LIPC: variants seen among roughly 807,000 people sequenced by gnomAD.
LIPC encodes lipase C, hepatic type, also known as hepatic triacylglycerol lipase.
In LIPC, 44 loss-of-function variants were observed where a neutral mutation model predicts 50.7. That is an observed-to-expected ratio of 0.87 (90% CI 0.68 to 1.11). The LOEUF (loss-of-function observed/expected upper bound fraction) is 1.11, where lower values mean the gene tolerates loss of function less well. LIPC is among the 50% of genes most tolerant of loss of function. The pLI, the probability that LIPC is intolerant of heterozygous loss-of-function variation, is 0.00. For missense variants in LIPC, 697 were observed against 648.2 expected (o/e 1.08, Z -0.82); for synonymous variants, 271 against 256.4 (o/e 1.06, Z -0.54).
chr15:58,499,016 G>T (rs116096984), intron 1 of LIPC, among the ~76,000 whole-genome samples: 1 of 152,146 alleles, frequency 6.6e-6, no homozygotes, highest in Non-Finnish European at 1.5e-5. Flanking sequence ...GCCTTGCTTC[G>T]CTGAGCATGG....
chr15:58,521,608 G>C (rs910376009), intron 1 of LIPC: 1 of 152,322 alleles, frequency 6.6e-6, no homozygotes, highest in Non-Finnish European at 1.5e-5. Flanking sequence ...GACTGGAAGC[G>C]GATCCTCCCA....
At chr15:58,462,965 C>T (rs908892524) in intron 1 of LIPC, among the ~76,000 whole-genome samples, 5 of 152,198 alleles carry the variant, frequency 3.3e-5, no homozygotes, top group African/African-American at 1.2e-4. Context: ...TGCTAAGTGG[C>T]CCCCAGAACA....
rs563038939 is a variant in LIPC, at chr15:58,520,735, G to T, written c.89-17598G>T. Among the ~76,000 whole-genome samples, 8 of 152,282 alleles carry T rather than the reference G, an allele frequency of 5.3e-5. No individual in the cohort carries two copies. The East Asian group carries it at 1.2e-3, about 22-fold the overall frequency. ...TAAATTCACAGTAGCTTCTTCTCTC[G>T]GGCCAGCAGGAAGCCTGATTAATGC... On this transcript the variant is annotated intron_variant, in intron 1 of 8. Transcript: ENST00000299022.
At chr15:58,438,009 T>G (rs910949206) in intron 1 of LIPC, among the ~76,000 whole-genome samples, 1 of 152,154 alleles carries the variant, frequency 6.6e-6, no homozygotes, top group Admixed American at 6.5e-5. Context: ...GGAACCCATA[T>G]TCTTTCATTC....
chr15:58,551,237 T>C (rs1264734678), intron 6 of LIPC, among the ~76,000 whole-genome samples: 1 of 152,080 alleles, frequency 6.6e-6, no homozygotes, highest in Non-Finnish European at 1.5e-5. Flanking sequence ...TTTCACTTGC[T>C]AGTGGAAAGT....
intron 8 of LIPC, chr15:58,565,359 A>G (rs1355979152): frequency 6.6e-7 from 1 of 1,523,812 alleles, no homozygotes; most frequent in African/African-American, 1.4e-5. Context: ...TGACAATCCC[A>G]TGTGGCTTGA....
At chr15:58,503,990 C>T (rs1274101969) in intron 1 of LIPC, among the ~76,000 whole-genome samples, 1 of 152,196 alleles carries the variant, frequency 6.6e-6, no homozygotes, top group Non-Finnish European at 1.5e-5. Context: ...ATGACACTAG[C>T]AAGTCCATGA....
At chr15:58,508,941 A>C (rs1423759346) in intron 1 of LIPC, among the ~76,000 whole-genome samples, 7 of 151,968 alleles carry the variant, frequency 4.6e-5, no homozygotes, top group African/African-American at 1.7e-4. Flanking sequence ...TACTACTTGT[A>C]GGCAGAGCTC....
Position 58,508,367 on chromosome 15 carries a change from G to A in LIPC, c.89-29966G>A, listed in dbSNP as rs755341385. ...TGCCACCCCATAGTCAAATTAAGCC[G>A]ATCATCCCCAAAGCAATATTAGTCC... On this transcript the variant is annotated intron_variant, in intron 1 of 8. Coordinates refer to ENST00000299022, the MANE Select transcript of LIPC (RefSeq NM_000236.3). Among the ~76,000 whole-genome samples, 12 of 152,156 alleles carry A rather than the reference G, an allele frequency of 7.9e-5. No individual in the cohort carries two copies. In the East Asian group the frequency reaches 1.4e-3, roughly 17 times the overall value.
At chr15:58,492,833 G>A (rs1891630672) in intron 1 of LIPC, among the ~76,000 whole-genome samples, 1 of 152,192 alleles carries the variant, frequency 6.6e-6, no homozygotes, top group Admixed American at 6.5e-5. Flanking sequence ...GCCTGAGTAA[G>A]ACATCATTCA....
intron 1 of LIPC, among the ~76,000 whole-genome samples, chr15:58,486,138 G>T (rs571168760): frequency 4.9e-4 from 75 of 152,250 alleles, no homozygotes; most frequent in African/African-American, 1.8e-3. Flanking sequence ...TGACATGGAC[G>T]GCTCTATTCT....
chr15:58,541,601 A>G, intron 2 of LIPC, 184 bp from the exon 3 acceptor site: 1 of 673,872 alleles, frequency 1.5e-6, no homozygotes, highest in Admixed American at 2.2e-5. Flanking sequence ...ATGCTGCTAA[A>G]CATCGTACAA....
At chr15:58,493,558 TATAAATAAAATTTATACAAAATTTATTA>T (rs1891660471) in intron 1 of LIPC, among the ~76,000 whole-genome samples, 1 of 28,242 alleles carries the variant, frequency 3.5e-5, no homozygotes, top group African/African-American at 9.1e-5. Context: ...ATTTATTACA[TATAAATAAAATTTATACAAAATTTATTA>T]CGTATAAATA....
At chr15:58,495,536 C>T (rs111442196) in intron 1 of LIPC, among the ~76,000 whole-genome samples, 19 of 152,366 alleles carry the variant, frequency 1.2e-4, no homozygotes, top group African/African-American at 4.3e-4. Flanking sequence ...CAAGTACTTG[C>T]TCTGTGTGCC....
chr15:58,568,922 C>A lies in LIPC; in HGVS notation c.*95C>A. 1.5e-6 allele frequency: 1 copy of A among 681,808 alleles called. No individual in the cohort carries two copies. The highest frequency in any genetic ancestry group is 2.0e-5 in the South Asian group (1 of 50,046). The allele number at this position is 681,808 out of a possible 1,614,324, so 42.2% of individuals were successfully genotyped here. ...GAAGCCAAAATTACATAAAGAATCT[C>A]ACACAAAGCTTAAATAAAGTTTAGA... is the stretch of plus-strand genomic sequence containing the variant. On this transcript the variant is annotated 3_prime_UTR_variant, in exon 9 of 9. Coordinates refer to ENST00000299022, the MANE Select transcript of LIPC (RefSeq NM_000236.3).
intron 4 of LIPC, among the ~76,000 whole-genome samples, chr15:58,544,068 T>C (rs1224283954): frequency 2.0e-5 from 3 of 152,360 alleles, no homozygotes; most frequent in East Asian, 1.9e-4. Context: ...TCATGCTTTT[T>C]TGTTCATCTT....
intron 1 of LIPC, among the ~76,000 whole-genome samples, chr15:58,445,370 A>G (rs1447562696): frequency 1.3e-5 from 2 of 152,200 alleles, no homozygotes; most frequent in Admixed American, 6.5e-5. Flanking sequence ...GGCTTCAGCC[A>G]GGGGGTTGCC....
chr15:58,525,406 G>A (rs1892773160), intron 1 of LIPC, among the ~76,000 whole-genome samples: 1 of 152,202 alleles, frequency 6.6e-6, no homozygotes, highest in African/African-American at 2.4e-5. Flanking sequence ...TTAGTTCAGA[G>A]CTCCCCTGGC....
intron 1 of LIPC, among the ~76,000 whole-genome samples, chr15:58,460,117 G>A (rs1047162153): frequency 2.0e-5 from 3 of 152,220 alleles, no homozygotes; most frequent in Non-Finnish European, 4.4e-5. Context: ...AGTCTTTTCA[G>A]CTCCCAATGA....
Sources: gnomAD v4.1 joint callset for allele counts (sites outside exome capture counted in the v4.1 genomes callset) on GRCh38, gnomAD v4.1.1 for gene constraint, MANE v1.5 for transcripts, NCBI Gene and HGNC (gene_info 2026-07-23, HGNC 2026-07-21) for gene names.